Variants in PPP4R2 observed in about 807,000 individuals in gnomAD.
The protein encoded by PPP4R2 is serine/threonine-protein phosphatase 4 regulatory subunit 2.
PPP4R2 carries 13 observed loss-of-function variants against 47.2 expected under a neutral mutation model. The ratio of observed to expected loss-of-function variants is 0.28; its 90% CI spans 0.18 to 0.44. The LOEUF (loss-of-function observed/expected upper bound fraction) is 0.44. Ranked by LOEUF, PPP4R2 falls within the 20% of genes least tolerant of loss-of-function variation. The probability of loss-of-function intolerance (pLI) is 1.00; values close to 1 mark genes in which losing one functional copy is unlikely to be tolerated. For synonymous variants in PPP4R2, 151 were observed against 163.3 expected (o/e 0.92, Z 0.57); for missense variants, 421 against 491.2 (o/e 0.86, Z 1.35).
intron 2 of PPP4R2, among the ~76,000 whole-genome samples, chr3:73,033,246 T>C (rs1325310355): frequency 6.6e-6 from 1 of 152,212 alleles, no homozygotes; most frequent in Non-Finnish European, 1.5e-5. Flanking sequence ...TGAAAATTAT[T>C]GTCTCTCTGA....
chr3:73,007,548 C>T (rs1701637141), intron 2 of PPP4R2, among the ~76,000 whole-genome samples: 1 of 151,788 alleles, frequency 6.6e-6, no homozygotes, highest in Non-Finnish European at 1.5e-5. Flanking sequence ...TGTCTTGGCT[C>T]ATTTGAACCT....
At chr3:73,019,893 ATT>A (rs1289194924) in intron 2 of PPP4R2, among the ~76,000 whole-genome samples, 1 of 151,956 alleles carries the variant, frequency 6.6e-6, no homozygotes, top group Non-Finnish European at 1.5e-5. Flanking sequence ...GCCATTTACA[ATT>A]TTGTCTTATT....
chr3:73,017,056 A>G (rs1701855208), intron 2 of PPP4R2, among the ~76,000 whole-genome samples: 1 of 151,844 alleles, frequency 6.6e-6, no homozygotes, highest in Non-Finnish European at 1.5e-5. Context: ...TGAACTCCTG[A>G]GCTCAAGTGA....
At chr3:73,015,616 C>G (rs1478135365) in intron 2 of PPP4R2, among the ~76,000 whole-genome samples, 3 of 151,502 alleles carry the variant, frequency 2.0e-5, no homozygotes, top group Admixed American at 2.0e-4. Flanking sequence ...GCTGGCACTA[C>G]AGGCGTGTGC....
chr3:73,024,989 A>C (rs1292119712), intron 2 of PPP4R2, among the ~76,000 whole-genome samples: 1 of 152,176 alleles, frequency 6.6e-6, no homozygotes, highest in Non-Finnish European at 1.5e-5. Flanking sequence ...CTTGTTCTTC[A>C]GGTTCTAGCA....
chr3:73,018,385 G>C (rs1206075884), intron 2 of PPP4R2, among the ~76,000 whole-genome samples: 1 of 110,446 alleles, frequency 9.1e-6, no homozygotes, highest in Non-Finnish European at 2.1e-5. Flanking sequence ...AGTATACCAA[G>C]GGATGACTCT....
Position 73,047,365 on chromosome 3 carries a change from T to C in PPP4R2, c.287+9T>C. 6.5e-7 allele frequency: 1 copy of C among 1,535,772 alleles called. No homozygotes were observed. Among genetic ancestry groups the C allele is most frequent in the South Asian group, 1.2e-5 (1 of 82,230 alleles). On this transcript the variant is annotated intron_variant, in intron 3 of 8. Transcript: ENST00000356692. ...GTCACTGGATTTAATGGGTATGCAC[T>C]TAATACTGTTTTAAAGATTTAATTT...
chr3:73,040,757 C>G (rs1702362191), intron 2 of PPP4R2, among the ~76,000 whole-genome samples: 1 of 152,110 alleles, frequency 6.6e-6, no homozygotes, highest in Non-Finnish European at 1.5e-5. Context: ...AGGTGATCTG[C>G]CTGCCTCAGC....
chr3:73,026,027 C>T (rs1702056626), intron 2 of PPP4R2, among the ~76,000 whole-genome samples: 1 of 152,088 alleles, frequency 6.6e-6, no homozygotes, highest in Non-Finnish European at 1.5e-5. Context: ...CTTGATTTTG[C>T]TTGCCCTTTC....
chr3:73,026,880 C>T (rs1702076233), intron 2 of PPP4R2, among the ~76,000 whole-genome samples: 2 of 152,078 alleles, frequency 1.3e-5, no homozygotes, highest in South Asian at 4.1e-4. Context: ...GATTCTGAAG[C>T]CATAAAGCCT....
At chr3:72,997,490 A>G (rs528416101) in intron 1 of PPP4R2, 1 of 188,510 alleles carries the variant, frequency 5.3e-6, no homozygotes, top group African/African-American at 2.3e-5. Context: ...GCAACTTTTA[A>G]GTTGTCTCAG....
intron 2 of PPP4R2, among the ~76,000 whole-genome samples, chr3:73,034,717 G>A (rs958326493): frequency 6.6e-6 from 1 of 151,972 alleles, no homozygotes; most frequent in South Asian, 2.1e-4. Context: ...ATTTTTTGTA[G>A]AGATGGGATC....
intron 2 of PPP4R2, among the ~76,000 whole-genome samples, chr3:73,020,412 A>C (rs950307320): frequency 4.6e-5 from 7 of 152,136 alleles, no homozygotes; most frequent in African/African-American, 1.7e-4. Context: ...CTGTAATCCC[A>C]ACACTTTGGG....
At chr3:72,997,620 C>CT (rs1217648869) in intron 1 of PPP4R2, among the ~76,000 whole-genome samples, 1 of 152,180 alleles carries the variant, frequency 6.6e-6, no homozygotes, top group Non-Finnish European at 1.5e-5. Context: ...GGCTTACAAA[C>CT]TTCGAGTAGA....
At chr3:73,029,055 C>T (rs562939055) in intron 2 of PPP4R2, among the ~76,000 whole-genome samples, 12 of 152,344 alleles carry the variant, frequency 7.9e-5, no homozygotes, top group Admixed American at 3.9e-4. Flanking sequence ...AAGCAGTCCT[C>T]CTTCCTCAGT....
In PPP4R2 at chr3:73,069,126, A is replaced by C. The variant is rs1476334890; in HGVS notation, c.*3404A>C. 6.6e-6 allele frequency: 1 copy of C among 152,136 alleles called. No homozygotes were observed. Among genetic ancestry groups the C allele is most frequent in the Non-Finnish European group, 1.5e-5 (1 of 68,004 alleles). 9.4% of individuals were successfully genotyped at this position (152,136 alleles called of 1,614,324 possible). ...AGTACACTCTTCAGGATTTTCTTTT[A>C]TTTCAACTTGGAGCCTAGATTACTT... On this transcript the variant is annotated 3_prime_UTR_variant, in exon 9 of 9. Coordinates refer to ENST00000356692, the MANE Select transcript of PPP4R2 (RefSeq NM_174907.4).
intron 2 of PPP4R2, among the ~76,000 whole-genome samples, chr3:73,002,433 T>A (rs1701488378): frequency 1.3e-5 from 2 of 151,642 alleles, no homozygotes; most frequent in African/African-American, 4.9e-5. Context: ...ATTTATAATT[T>A]TTTTTGTAGA....
chr3:73,058,427 A>G (rs1318253242), intron 3 of PPP4R2, among the ~76,000 whole-genome samples: 3 of 152,036 alleles, frequency 2.0e-5, no homozygotes, highest in Non-Finnish European at 4.4e-5. Context: ...TCAAATTATC[A>G]GGATTTAGAA....
chr3:73,031,760 T>C (rs1263711261), intron 2 of PPP4R2, among the ~76,000 whole-genome samples: 1 of 152,146 alleles, frequency 6.6e-6, no homozygotes, highest in Admixed American at 6.5e-5. Flanking sequence ...ACTGTTGCAG[T>C]CTTCCTTACT....
Sources: gnomAD v4.1 joint callset for allele counts (sites outside exome capture counted in the v4.1 genomes callset) on GRCh38, gnomAD v4.1.1 for gene constraint, MANE v1.5 for transcripts, NCBI Gene and HGNC (gene_info 2026-07-23, HGNC 2026-07-21) for gene names.